TSHZ3: variants seen among roughly 807,000 people sequenced by gnomAD.
TSHZ3 encodes teashirt homolog 3.
In TSHZ3, 10 loss-of-function variants were observed where a neutral mutation model predicts 64.5. The ratio of observed to expected loss-of-function variants is 0.16; its 90% CI spans 0.10 to 0.26. The LOEUF (loss-of-function observed/expected upper bound fraction) is 0.26. Among genes scored for constraint, TSHZ3 ranks in the 10% least tolerant of loss-of-function variants. TSHZ3 has a pLI of 1.00. For synonymous variants in TSHZ3, 608 were observed against 593.1 expected (o/e 1.03, Z -0.36); for missense variants, 1,242 against 1,421.7 (o/e 0.87, Z 2.03).
chr19:31,343,315 G>C (rs1917489825), intron 1 of TSHZ3, among the ~76,000 whole-genome samples: 1 of 152,180 alleles, frequency 6.6e-6, no homozygotes, highest in Non-Finnish European at 1.5e-5. Flanking sequence ...TAAGGAGATG[G>C]TTAAAATGTC....
intron 1 of TSHZ3, among the ~76,000 whole-genome samples, chr19:31,301,158 T>C (rs978499744): frequency 1.3e-5 from 2 of 151,848 alleles, no homozygotes; most frequent in African/African-American, 4.9e-5. Flanking sequence ...GGTGGGGGCC[T>C]ATGTGGGTGG....
rs370148972 is a variant in TSHZ3, at chr19:31,243,727, G to A, written n.64-852C>T. Among the ~76,000 whole-genome samples, 17 of 152,224 alleles carry A rather than the reference G, an allele frequency of 1.1e-4. No homozygotes were observed. The East Asian group carries it at 1.7e-3, about 16-fold the overall frequency. On this transcript the variant is annotated intron_variant and non_coding_transcript_variant, in intron 1 of 6. Coordinates refer to the TSHZ3 transcript ENST00000651361. ...TGTTCAGATGATATGGGGGAGCAGC[G>A]GAGTGGTGTTCATCGAGCTCTGGGA...
intron 1 of TSHZ3, among the ~76,000 whole-genome samples, chr19:31,306,663 T>G (rs1403545222): frequency 6.6e-6 from 1 of 152,186 alleles, no homozygotes; most frequent in East Asian, 1.9e-4. Flanking sequence ...TACCTGCCAT[T>G]TTTTATAACA....
At chr19:31,162,255 A>T (rs1599553996) in intron 5 of TSHZ3, among the ~76,000 whole-genome samples, 1 of 152,220 alleles carries the variant, frequency 6.6e-6, no homozygotes, top group African/African-American at 2.4e-5. Context: ...TACTTAAAAA[A>T]AATCTGATTA....
intron 3 of TSHZ3, among the ~76,000 whole-genome samples, chr19:31,229,664 A>T (rs1315426320): frequency 6.6e-6 from 1 of 152,242 alleles, no homozygotes; most frequent in African/African-American, 2.4e-5. Flanking sequence ...CCATAACTAT[A>T]TCTAAGAGCA....
intron 4 of TSHZ3, among the ~76,000 whole-genome samples, chr19:31,217,841 A>G (rs1382458043): frequency 3.3e-5 from 5 of 152,142 alleles, no homozygotes; most frequent in Admixed American, 6.5e-5. Context: ...ACCCCTGATA[A>G]CCACTGGTCT....
At position 31,277,782 on chromosome 19, in the gene TSHZ3, G is replaced by A. The variant is rs1261231665; in HGVS notation, c.2011C>T (p.Pro671Ser). 1 of 1,536,680 alleles carries A rather than the reference G, an allele frequency of 6.5e-7. No individual in the cohort carries two copies. The highest frequency in any genetic ancestry group is 2.3e-5 in the East Asian group (1 of 44,394). Residue 671 changes from proline (P) to serine (S), a missense_variant, in exon 2 of 2, where the codon CCC becomes TCC. By Grantham distance (74) the Pro-to-Ser change is moderately conservative. Coordinates refer to ENST00000240587, the MANE Select transcript of TSHZ3 (RefSeq NM_020856.4). The surrounding 1 kb of genome is among the most constrained non-coding windows in gnomAD (Gnocchi z 4.5). Reference protein sequence around the residue: ...DGGFRSQENSPSPPRDGCKDG... With the variant: ...DGGFRSQENSSSPPRDGCKDG... Reference sequence around the variant, plus strand: ...TTGCACCCATCCCGCGGGGGGCTGGGGCTGTTCTCCTGGCTGCGGAAGCCC... The same window carrying A: ...TTGCACCCATCCCGCGGGGGGCTGGAGCTGTTCTCCTGGCTGCGGAAGCCC...
intron 1 of TSHZ3, among the ~76,000 whole-genome samples, chr19:31,347,516 T>G (rs1331604548): frequency 6.6e-6 from 1 of 152,178 alleles, no homozygotes; most frequent in Non-Finnish European, 1.5e-5. Context: ...CTCAACTTTG[T>G]GAAGGATTCC....
intron 1 of TSHZ3, among the ~76,000 whole-genome samples, chr19:31,303,425 T>A (rs1171125876): frequency 1.3e-5 from 2 of 152,008 alleles, no homozygotes; most frequent in Admixed American, 6.6e-5. Context: ...TTGGTCCACA[T>A]AGGCACCCAC....
At chr19:31,254,916 C>T (rs1975889191) in intron 1 of TSHZ3, among the ~76,000 whole-genome samples, 1 of 152,200 alleles carries the variant, frequency 6.6e-6, no homozygotes, top group East Asian at 1.9e-4. Flanking sequence ...AAAGCTATCA[C>T]CTGGCCAGCA....
chr19:31,206,431 G>A (rs1005246482), intron 4 of TSHZ3, among the ~76,000 whole-genome samples: 2 of 152,134 alleles, frequency 1.3e-5, no homozygotes, highest in African/African-American at 4.8e-5. Context: ...ACCAACATAG[G>A]CAAAAGCAAA....
chr19:31,308,432 G>A (rs975534657), intron 1 of TSHZ3: 2 of 387,792 alleles, frequency 5.2e-6, no homozygotes, highest in Non-Finnish European at 9.1e-6. Flanking sequence ...AGGCAAAATA[G>A]AGACAGCTCC....
chr19:31,313,410 G>A lies in TSHZ3; in HGVS notation c.41-33658C>T, dbSNP rs144253373. Among the ~76,000 whole-genome samples the A allele has an allele frequency of 3.3e-3, 497 of 152,302 alleles. 4 individuals are homozygous for A. Among genetic ancestry groups the A allele is most frequent in the African/African-American group, 0.011 (447 of 41,566 alleles). On this transcript the variant is annotated intron_variant, in intron 1 of 1. Coordinates refer to ENST00000240587, the MANE Select transcript of TSHZ3 (RefSeq NM_020856.4). Reference sequence around the variant, plus strand: ...TGGCCCCCATGCCTGGCTGCTGACCGGGAGCTGGAAGCCAAGTGTGCACCG... The same window carrying A: ...TGGCCCCCATGCCTGGCTGCTGACCAGGAGCTGGAAGCCAAGTGTGCACCG...
At chr19:31,187,331 A>G (rs1477671203) in intron 5 of TSHZ3, among the ~76,000 whole-genome samples, 1 of 152,086 alleles carries the variant, frequency 6.6e-6, no homozygotes, top group African/African-American at 2.4e-5. Flanking sequence ...AAGCTGCTGT[A>G]TGTATCAGTA....
At chr19:31,349,814 T>C (rs1156933839), upstream of TSHZ3, among the ~76,000 whole-genome samples, 1 of 139,190 alleles carries the variant, frequency 7.2e-6, no homozygotes, top group Non-Finnish European at 1.6e-5. Flanking sequence ...CTTCTGCCCG[T>C]GGCGCGGCTG....
At chr19:31,323,559 T>A (rs563960021) in intron 1 of TSHZ3, among the ~76,000 whole-genome samples, 2 of 152,298 alleles carry the variant, frequency 1.3e-5, no homozygotes, top group South Asian at 4.1e-4. Flanking sequence ...CACAGCTTCA[T>A]TGTCAAAGAA....
chr19:31,279,522 C>T lies in TSHZ3; in HGVS notation c.271G>A (p.Gly91Ser), dbSNP rs773157573. The T allele has an allele frequency of 4.3e-6, 7 of 1,612,108 alleles. No individual in the cohort carries two copies. The highest frequency in any genetic ancestry group is 2.2e-5 in the South Asian group (2 of 90,984). The change falls in exon 2 of 2, where the codon GGC becomes AGC. Residue 91 changes from glycine (G) to serine (S), a missense_variant. By Grantham distance (56) the Gly-to-Ser change is moderately conservative (BLOSUM62 0). Around this residue, in one of 4 missense-constraint regions of TSHZ3, gnomAD observed 555 missense variants for 704.0 expected, o/e 0.79. Transcript: ENST00000240587. This position sits in a 1 kb window ranked among gnomAD's most constrained non-coding sequence, Gnocchi z 6.4. Reference protein sequence around the residue: ...TSDRMADFESGSIKNEEETKE... With the variant: ...TSDRMADFESSSIKNEEETKE... ...GTCTCCTCTTCGTTCTTGATGGAGC[C>T]GCTTTCAAAGTCAGCCATTCGGTCA...
At chr19:31,305,318 GAA>G (rs34646379) in intron 1 of TSHZ3, among the ~76,000 whole-genome samples, 2 of 139,644 alleles carry the variant, frequency 1.4e-5, no homozygotes, top group Non-Finnish European at 3.1e-5. Flanking sequence ...GTCTGGAAAG[GAA>G]AAAAAAAAAA....
chr19:31,191,008 G>T (rs1328247493), intron 5 of TSHZ3, among the ~76,000 whole-genome samples: 3 of 152,094 alleles, frequency 2.0e-5, no homozygotes, highest in Non-Finnish European at 4.4e-5. Flanking sequence ...TATCCCACCT[G>T]AAGCAGTAAG....
Sources: allele counts gnomAD v4.1 joint callset (sites outside exome capture counted in the v4.1 genomes callset), GRCh38; gene constraint gnomAD v4.1.1; regional missense constraint gnomAD v4.1.1; non-coding constraint Gnocchi (gnomAD v3.1); transcripts MANE v1.5; gene names NCBI Gene and HGNC (gene_info 2026-07-23, HGNC 2026-07-21).